Variants in TTBK2 observed in about 807,000 individuals in gnomAD.
TTBK2 encodes tau-tubulin kinase 2.
TTBK2 carries 28 observed loss-of-function variants against 110.8 expected under a neutral mutation model. That is an observed-to-expected ratio of 0.25 (90% CI 0.19 to 0.35). The LOEUF (loss-of-function observed/expected upper bound fraction) is 0.35. Among genes scored for constraint, TTBK2 ranks in the 10% least tolerant of loss-of-function variants. TTBK2 has a pLI of 1.00. For synonymous variants in TTBK2, 532 were observed against 527.3 expected (o/e 1.01, Z -0.12); for missense variants, 1,369 against 1,500.3 (o/e 0.91, Z 1.45).
Position 42,745,678 on chromosome 15 carries a change from A to T in TTBK2, c.*117T>A. The T allele has an allele frequency of 8.2e-7, 1 of 1,219,908 alleles. No individual in the cohort carries two copies. The highest frequency in any genetic ancestry group is 1.2e-6 in the Non-Finnish European group (1 of 827,096). 75.6% of individuals were successfully genotyped at this position (1,219,908 alleles called of 1,614,324 possible). On this transcript the variant is annotated 3_prime_UTR_variant, in exon 15 of 15. Coordinates refer to ENST00000267890, the MANE Select transcript of TTBK2 (RefSeq NM_173500.4). The stretch of plus-strand genomic sequence containing the variant: ...CTTCTTATAAATAATTGATCATGTT[A>T]CTTTCTTTTGCAAGAGAAGATCAAC...
chr15:42,818,004 T>C (rs1277610197), intron 6 of TTBK2, among the ~76,000 whole-genome samples: 1 of 152,216 alleles, frequency 6.6e-6, no homozygotes, highest in Non-Finnish European at 1.5e-5. Flanking sequence ...CTTTCTTTCT[T>C]TCTTATAACA....
At chr15:42,920,115 T>G (rs1479266774) in intron 1 of TTBK2, among the ~76,000 whole-genome samples, 1 of 151,986 alleles carries the variant, frequency 6.6e-6, no homozygotes, top group Non-Finnish European at 1.5e-5. Context: ...GTACCAGAAG[T>G]GGCATGGGTA....
intron 1 of TTBK2, among the ~76,000 whole-genome samples, chr15:42,889,826 G>A (rs1040748507): frequency 4.0e-5 from 6 of 151,774 alleles, no homozygotes; most frequent in East Asian, 1.9e-4. Context: ...AGGTTCCCAC[G>A]CCACCCCAAT....
chr15:42,838,041 C>T (rs924949667), intron 4 of TTBK2, among the ~76,000 whole-genome samples: 3 of 151,952 alleles, frequency 2.0e-5, no homozygotes, highest in African/African-American at 7.3e-5. Context: ...AACCCTGTCT[C>T]TACTAAAAAT....
intron 7 of TTBK2, among the ~76,000 whole-genome samples, chr15:42,815,861 T>C (rs189498166): frequency 7.8e-6 from 1 of 128,120 alleles, no homozygotes; most frequent in East Asian, 2.2e-4. Flanking sequence ...TCTCTCTCTA[T>C]ATATATATAT....
chr15:42,817,157 A>G, intron 6 of TTBK2, 60 bp from the exon 7 acceptor site: 2 of 1,434,162 alleles, frequency 1.4e-6, no homozygotes, highest in Non-Finnish European at 1.9e-6. Flanking sequence ...CATTCAGCAC[A>G]CTTGAACCAT....
chr15:42,843,913 C>A (rs904573917), intron 3 of TTBK2, among the ~76,000 whole-genome samples: 4 of 152,084 alleles, frequency 2.6e-5, no homozygotes, highest in Non-Finnish European at 5.9e-5. Context: ...TGACTCAGCA[C>A]ATGAAGATAG....
chr15:42,767,461 C>T (rs1440748014), intron 13 of TTBK2, among the ~76,000 whole-genome samples: 4 of 152,130 alleles, frequency 2.6e-5, no homozygotes, highest in African/African-American at 9.7e-5. Flanking sequence ...ATACAAACTA[C>T]CATCAGAGAA....
At chr15:42,772,088 C>G (rs925296644) in intron 13 of TTBK2, among the ~76,000 whole-genome samples, 3 of 152,116 alleles carry the variant, frequency 2.0e-5, no homozygotes, top group African/African-American at 7.2e-5. Flanking sequence ...TATTCACACC[C>G]TCGTATAGAC....
At chr15:42,878,877 A>G (rs1211963926) in intron 1 of TTBK2, among the ~76,000 whole-genome samples, 193 bp from the exon 2 acceptor site, 1 of 152,218 alleles carries the variant, frequency 6.6e-6, no homozygotes, top group East Asian at 1.9e-4. Flanking sequence ...ACAGATGCCC[A>G]GTGAAATAGC....
chr15:42,896,283 G>A (rs571031036), intron 1 of TTBK2, among the ~76,000 whole-genome samples: 3 of 152,068 alleles, frequency 2.0e-5, no homozygotes, highest in South Asian at 2.1e-4. Flanking sequence ...AGCTGAGATC[G>A]TGCCATTACA....
intron 1 of TTBK2, among the ~76,000 whole-genome samples, chr15:42,914,253 G>A (rs2030960166): frequency 6.6e-6 from 1 of 152,068 alleles, no homozygotes; most frequent in African/African-American, 2.4e-5. Context: ...TAGGATTATA[G>A]GCATGAGCCA....
chr15:42,848,287 T>G (rs950876961), intron 3 of TTBK2, among the ~76,000 whole-genome samples: 3 of 152,150 alleles, frequency 2.0e-5, no homozygotes, highest in African/African-American at 7.2e-5. Flanking sequence ...AACTTTAGAA[T>G]CAGCTTCTCT....
chr15:42,763,509 TG>T (rs1301857739), intron 13 of TTBK2, among the ~76,000 whole-genome samples: 1 of 151,708 alleles, frequency 6.6e-6, no homozygotes, highest in Non-Finnish European at 1.5e-5. Context: ...CCACTGCGTC[TG>T]GCCCAATAAT....
At chr15:42,821,037 T>C (rs1478408765) in intron 6 of TTBK2, among the ~76,000 whole-genome samples, 1 of 149,878 alleles carries the variant, frequency 6.7e-6, no homozygotes, top group Non-Finnish European at 1.5e-5. Context: ...TGAGACTTTG[T>C]CTAAAAGAAA....
chr15:42,752,523 TTC>T lies in TTBK2; in HGVS notation c.2721_2722del (p.Lys908AsnfsTer4), dbSNP rs1410358196. On this transcript the variant is annotated frameshift_variant, in exon 14 of 15. Coordinates refer to ENST00000267890, the MANE Select transcript of TTBK2 (RefSeq NM_173500.4). LOFTEE classifies it high-confidence loss of function. ...TAGTTCTCCATTTCTAGGGGTGATT[TTC>T]TCTCTCTTGCCCTCTTGGTGCAAAA... is the stretch of plus-strand genomic sequence containing the variant. 1 of 1,614,176 alleles carries T rather than the reference TTC, an allele frequency of 6.2e-7. No homozygotes were observed. The highest frequency in any genetic ancestry group is 1.3e-5 in the African/African-American group (1 of 75,050).
At position 42,816,080 on chromosome 15, in the gene TTBK2, A is replaced by AT. The variant is rs1567040746; in HGVS notation, c.603+951_603+952insA. ...AAAATATATATATATAAAAATAAATAAATAAATATATATATATATATATAT... is the reference window on the plus strand; with the variant it reads ...AAAATATATATATATAAAAATAAATATAATAAATATATATATATATATATAT... On this transcript the variant is annotated intron_variant, in intron 7 of 14. Coordinates refer to ENST00000267890, the MANE Select transcript of TTBK2 (RefSeq NM_173500.4). Among the ~76,000 whole-genome samples, 210 of 66,512 alleles carry AT rather than the reference A, an allele frequency of 3.2e-3. 2 individuals carry two copies. The highest frequency in any genetic ancestry group is 0.018 in the East Asian group (34 of 1,934). 43.6% of individuals were successfully genotyped at this position (66,512 alleles called of 152,430 possible).
At position 42,878,692 on chromosome 15, in the gene TTBK2, A is replaced by G. The variant is rs934901784; in HGVS notation, c.-67-8T>C. ...GGGTGGTTTCCATTTAACCTAAAAC[A>G]ACAACAACAAAAAATAGTAGCAGTA... On this transcript the variant is annotated splice_region_variant and splice_polypyrimidine_tract_variant and intron_variant, in intron 1 of 14. Coordinates refer to ENST00000267890, the MANE Select transcript of TTBK2 (RefSeq NM_173500.4). 1.2e-6 allele frequency: 2 copies of G among 1,610,992 alleles called. No individual in the cohort carries two copies. The highest frequency in any genetic ancestry group is 1.7e-6 in the Non-Finnish European group (2 of 1,179,048).
At chr15:42,800,789 T>C (rs555802205) in intron 9 of TTBK2, among the ~76,000 whole-genome samples, 1 of 151,210 alleles carries the variant, frequency 6.6e-6, no homozygotes, top group South Asian at 2.1e-4. Context: ...ATTGAATTGT[T>C]TCATAGCTGG....
Sources: allele counts gnomAD v4.1 joint callset (sites outside exome capture counted in the v4.1 genomes callset), GRCh38; gene constraint gnomAD v4.1.1; transcripts MANE v1.5; gene names NCBI Gene and HGNC (gene_info 2026-07-23, HGNC 2026-07-21).